GGT1: variants seen among roughly 807,000 people sequenced by gnomAD.
GGT1 encodes the protein glutathione hydrolase 1 proenzyme.
A neutral mutation model predicts 56.0 loss-of-function variants in GGT1; 21 were observed. That is an observed-to-expected ratio of 0.38 (90% CI 0.27 to 0.54). GGT1 has a LOEUF of 0.54. GGT1 is among the 20% of genes least tolerant of loss of function. The pLI is 0.82. For missense variants in GGT1, 466 were observed against 787.0 expected (o/e 0.59, Z 4.88); for synonymous variants, 238 against 342.6 (o/e 0.69, Z 3.37).
upstream of GGT1, among the ~76,000 whole-genome samples, chr22:24,601,561 G>A (rs1029703217): frequency 4.6e-5 from 7 of 152,238 alleles, no homozygotes; most frequent in Non-Finnish European, 1.0e-4. Flanking sequence ...AGATACAGAG[G>A]TGGGGCAGAT....
intron 7 of GGT1, among the ~76,000 whole-genome samples, chr22:24,617,851 A>G (rs2047168583): frequency 6.6e-6 from 1 of 151,842 alleles, no homozygotes; most frequent in Non-Finnish European, 1.5e-5. Context: ...GACCACCAGG[A>G]GAGAGAGCAA....
rs368565745 is a variant in GGT1 at position 24,626,582 on chromosome 22, T to G, written c.1021-850T>G. ...TCAAGCTCCTGACCATCCCCAAACCTGCCCCTTCTGCAGGGTTTACCTCGC... is the reference window on the plus strand; with the variant it reads ...TCAAGCTCCTGACCATCCCCAAACCGGCCCCTTCTGCAGGGTTTACCTCGC... On this transcript the variant is annotated intron_variant, in intron 11 of 15. Transcript: ENST00000400382. Among the ~76,000 whole-genome samples, 45 of 151,970 alleles carry G rather than the reference T, an allele frequency of 3.0e-4. 1 individual carries two copies. The highest frequency in any genetic ancestry group is 2.3e-3 in the South Asian group (11 of 4,814).
At position 24,610,325 on chromosome 22, in the gene GGT1, C is replaced by T. The variant is rs4049911; in HGVS notation, c.-214C>T. On this transcript the variant is annotated 5_prime_UTR_variant, in exon 4 of 16. Coordinates refer to ENST00000400382, the MANE Select transcript of GGT1 (RefSeq NM_001288833.2). The stretch of plus-strand genomic sequence containing the variant: ...GAGTCCCCCAGAAAGGTCTGGGCTG[C>T]GCGTGCTTCAGGTAACCTCCCTTGA... The T allele has an allele frequency of 0.013, 3,344 of 256,888 alleles. 63 individuals carry two copies. Among genetic ancestry groups the T allele is most frequent in the African/African-American group, 0.056 (2,407 of 42,638 alleles). 15.9% of individuals were successfully genotyped at this position (256,888 alleles called of 1,614,324 possible). A position where few individuals can be genotyped will look rare whatever the true frequency, so the allele number is the denominator to read the frequency against.
In GGT1 at chr22:24,605,043, G is replaced by A. The variant is rs1400832589; in HGVS notation, c.-429+1516G>A. On this transcript the variant is annotated intron_variant, in intron 1 of 15. Transcript: ENST00000400382. ...TATGTCATATATATATATAAAATAT[G>A]TAATATATTATATATTATATGTAAT... Among the ~76,000 whole-genome samples the A allele has an allele frequency of 7.0e-4, 39 of 55,998 alleles. 2 individuals carry two copies. The highest frequency in any genetic ancestry group is 8.1e-4 in the Non-Finnish European group (27 of 33,332). The allele number at this position is 55,998 out of a possible 152,430, so 36.7% of individuals were successfully genotyped here. A position where few individuals can be genotyped will look rare whatever the true frequency, so the allele number is the denominator to read the frequency against.
chr22:24,586,002 C>G, the GGT1 span: 19 of 1,610,726 alleles, frequency 1.2e-5, no homozygotes, highest in Middle Eastern at 1.6e-4. Flanking sequence ...TCCAGGCCCT[C>G]GTAGATGGTG....
chr22:24,586,481 C>T, the GGT1 span: 17 of 1,492,488 alleles, frequency 1.1e-5, no homozygotes, highest in South Asian at 2.1e-4. Flanking sequence ...CAGACAGTGA[C>T]CTGTCGGGAA....
chr22:24,599,591 A>T (rs1250546929), upstream of GGT1, among the ~76,000 whole-genome samples: 1 of 151,832 alleles, frequency 6.6e-6, no homozygotes, highest in South Asian at 2.1e-4. Context: ...GTAGTGGGTT[A>T]TAGAGGTGGG....
intron 1 of GGT1, chr22:24,595,010 G>A (rs143426401): frequency 7.2e-5 from 11 of 152,478 alleles, no homozygotes; most frequent in African/African-American, 2.4e-4. Context: ...TCAAATGTGA[G>A]AATACTGGGC....
intron 11 of GGT1, 64 bp downstream of exon 11, chr22:24,623,980 C>T (rs1279256489): frequency 3.1e-6 from 5 of 1,601,228 alleles, no homozygotes; most frequent in Non-Finnish European, 4.3e-6. Context: ...AGGTGGGCTC[C>T]CCAGGGTGGC....
the GGT1 span, chr22:24,589,776 G>C: frequency 6.4e-7 from 1 of 1,568,966 alleles, no homozygotes; most frequent in Non-Finnish European, 8.6e-7. Flanking sequence ...TGGCCCCCCT[G>C]TCCACCACAG....
At chr22:24,618,901 C>T (rs1457538885) in intron 7 of GGT1, among the ~76,000 whole-genome samples, 80 of 152,096 alleles carry the variant, frequency 5.3e-4, no homozygotes, top group South Asian at 3.3e-3. Context: ...TTATGGGCAG[C>T]GGGGCTCAGG....
At chr22:24,595,447 C>T (rs1228998971) in intron 1 of GGT1, among the ~76,000 whole-genome samples, 2 of 152,202 alleles carry the variant, frequency 1.3e-5, no homozygotes, top group Admixed American at 1.3e-4. Context: ...TTACCCTGAG[C>T]AGCAGAGCTG....
intron 11 of GGT1, 132 bp from the exon 12 acceptor site, chr22:24,627,300 C>A: frequency 1.5e-6 from 2 of 1,326,362 alleles, no homozygotes; most frequent in Non-Finnish European, 1.0e-6. Flanking sequence ...GCCCTTGGGT[C>A]CTGGGGAGCC....
chr22:24,607,755 C>A (rs186950482), intron 1 of GGT1, 199 bp from the exon 2 acceptor site: 7 of 321,360 alleles, frequency 2.2e-5, no homozygotes, highest in Non-Finnish European at 3.8e-5. Context: ...GTCCTCTGGC[C>A]GCTCCTGCTC....
At chr22:24,626,035 C>A (rs1054776440) in intron 11 of GGT1, among the ~76,000 whole-genome samples, 1 of 132,192 alleles carries the variant, frequency 7.6e-6, no homozygotes, top group African/African-American at 3.5e-5. Flanking sequence ...GGCTGTCCCC[C>A]AGGCTGGAGT....
chr22:24,593,747 A>G (rs553206050), upstream of GGT1, among the ~76,000 whole-genome samples: 8 of 151,766 alleles, frequency 5.3e-5, no homozygotes, highest in East Asian at 1.6e-3. Context: ...AGATGGCGCC[A>G]CCGCACTCTA....
At chr22:24,598,770 C>T (rs143746697), upstream of GGT1, among the ~76,000 whole-genome samples, 200 of 152,250 alleles carry the variant, frequency 1.3e-3, 1 homozygote, top group African/African-American at 4.6e-3. Flanking sequence ...CCAGGCTGGT[C>T]GTGAACTCCT....
Position 24,627,538 on chromosome 22 carries a change from C to T in GGT1, c.1127C>T (p.Pro376Leu), listed in dbSNP as rs111980283. The change falls in exon 12 of 16, where the codon CCG becomes CTG. Residue 376 changes from proline (P) to leucine (L), a missense_variant. Pro to Leu is a moderately conservative substitution (Grantham distance 98). Around this residue, in one of 2 missense-constraint regions of GGT1, gnomAD observed 456 missense variants for 716.7 expected, o/e 0.64. Coordinates refer to ENST00000400382, the MANE Select transcript of GGT1 (RefSeq NM_001288833.2). ...TACTACAAGCCCGAGTTCTACACGC[C>T]GGATGACGGGGGCACTGCTCACCTG... ...ISYYKPEFYTPDDGGTAHLSV... is the reference protein window; with the variant it reads ...ISYYKPEFYTLDDGGTAHLSV... The T allele has an allele frequency of 3.4e-5, 55 of 1,611,378 alleles. No homozygotes were observed. The East Asian group carries it at 4.2e-4, about 12-fold the overall frequency.
chr22:24,589,094 A>T, the GGT1 span: 1 of 1,096,570 alleles, frequency 9.1e-7, no homozygotes. Context: ...CTGTGCAGAG[A>T]CCTGGGCATT....
Sources: allele counts gnomAD v4.1 joint callset (sites outside exome capture counted in the v4.1 genomes callset), GRCh38; gene constraint gnomAD v4.1.1; regional missense constraint gnomAD v4.1.1; transcripts MANE v1.5; gene names NCBI Gene and HGNC (gene_info 2026-07-23, HGNC 2026-07-21).